The following APC variants were observed in gnomAD, a reference collection of about 807,000 sequenced individuals.
The protein encoded by APC is APC regulator of Wnt signaling pathway.
APC carries 72 observed loss-of-function variants against 247.0 expected under a neutral mutation model. The observed-to-expected ratio is 0.29, with a 90% CI of 0.24 to 0.35. The LOEUF is 0.35. Ranked by LOEUF, APC falls within the 10% of genes least tolerant of loss-of-function variation. The pLI is 1.00. For missense variants in APC, 3,400 were observed against 3,360.7 expected, an observed-to-expected ratio of 1.01 and a Z score of -0.29; for synonymous variants, 1,254 against 1,162.5, an observed-to-expected ratio of 1.08 and a Z score of -1.60.
In APC at chr5:112,839,355, T is replaced by C. The variant is rs1554085289; in HGVS notation, c.3761T>C (p.Ile1254Thr). ...GCTGCCACTTGCAAAGTTTCTTCTA[T>C]TAACCAAGAAACAATACAGACTTAT... is the stretch of plus-strand genomic sequence containing the variant. ...QKAATCKVSS[I>T]NQETIQTYCV... Residue 1254 changes from isoleucine to threonine, a missense_variant, in exon 16 of 16, where the codon ATT becomes ACT. Transcript: ENST00000257430. The surrounding 1 kb of genome is among the most constrained non-coding windows in gnomAD (Gnocchi z 5.0). 1.9e-6 allele frequency: 3 copies of C among 1,613,130 alleles called. No homozygotes were observed. The highest frequency in any genetic ancestry group is 2.5e-6 in the Non-Finnish European group (3 of 1,179,586).
intron 1 of APC, among the ~76,000 whole-genome samples, chr5:112,723,315 A>G (rs1407790941): frequency 6.6e-6 from 1 of 152,134 alleles, no homozygotes; most frequent in Non-Finnish European, 1.5e-5. Flanking sequence ...TAAAAAAATT[A>G]GTTGGGCATG....
In APC at chr5:112,839,691, C is replaced by G. The variant is rs1561589807; in HGVS notation, c.4097C>G (p.Ala1366Gly). The G allele has an allele frequency of 6.2e-7, 1 of 1,614,084 alleles. No homozygotes were observed. ...SGAKSPSKSG[A>G]QTPKSPPEHY... The stretch of plus-strand genomic sequence containing the variant: ...GCGAAATCTCCCTCCAAAAGTGGTG[C>G]TCAGACACCCAAAAGTCCACCTGAA... The change falls in exon 16 of 16, where the codon GCT becomes GGT. Residue 1366 changes from alanine (A) to glycine (G), a missense_variant. Around this residue, in one of 9 missense-constraint regions of APC, gnomAD observed 715 missense variants for 656.6 expected, o/e 1.09. Coordinates refer to ENST00000257430, the MANE Select transcript of APC (RefSeq NM_000038.6). This position sits in a 1 kb window ranked among gnomAD's most constrained non-coding sequence, Gnocchi z 5.0.
chr5:112,799,082 G>A (rs1241960416), intron 7 of APC, among the ~76,000 whole-genome samples: 1 of 148,916 alleles, frequency 6.7e-6, no homozygotes. Context: ...GGTGGTGGGC[G>A]CCTGTAATCC....
intron 7 of APC, among the ~76,000 whole-genome samples, chr5:112,793,141 C>A (rs949305259): frequency 6.6e-6 from 1 of 151,996 alleles, no homozygotes; most frequent in Non-Finnish European, 1.5e-5. Context: ...ATGGACTTTC[C>A]AGAACCTCCC....
chr5:112,732,691 G>A (rs543768357), intron 1 of APC, among the ~76,000 whole-genome samples: 90 of 152,162 alleles, frequency 5.9e-4, no homozygotes, highest in African/African-American at 2.2e-3. Flanking sequence ...TCTTCCCTTG[G>A]GATTTTAATA....
chr5:112,734,798 T>G (rs2464811), upstream of APC, among the ~76,000 whole-genome samples: 9,970 of 151,382 alleles, frequency 0.066, 402 homozygotes, highest in Middle Eastern at 0.14. Flanking sequence ...TGTGTGTTTT[T>G]TTTTTTTTTT....
rs1762440594 is a variant in APC, at chr5:112,815,671, C to A, written c.933+78C>A. On this transcript the variant is annotated intron_variant, in intron 9 of 15. Coordinates refer to ENST00000257430, the MANE Select transcript of APC (RefSeq NM_000038.6). ...ACATTCTTGGCCAGGTGCAGTGGCT[C>A]ACACCTGTAATCCCAGCATTTTGGG... is the stretch of plus-strand genomic sequence containing the variant. 3.5e-6 allele frequency: 4 copies of A among 1,140,008 alleles called. No homozygotes were observed. In the Admixed American group the frequency reaches 5.6e-5, roughly 16 times the overall value. The allele number at this position is 1,140,008 out of a possible 1,614,324, so 70.6% of individuals were successfully genotyped here.
intron 1 of APC, among the ~76,000 whole-genome samples, chr5:112,730,129 G>A (rs1047251419): frequency 6.6e-6 from 1 of 152,248 alleles, no homozygotes; most frequent in East Asian, 1.9e-4. Context: ...AAAAATTTAT[G>A]GGTGGATTCA....
chr5:112,707,594 C>T lies in APC; in HGVS notation c.-124C>T, dbSNP rs964366695. 1.2e-5 allele frequency: 13 copies of T among 1,043,116 alleles called. No individual in the cohort carries two copies. The highest frequency in any genetic ancestry group is 7.3e-5 in the South Asian group (5 of 68,740). 64.6% of individuals were successfully genotyped at this position (1,043,116 alleles called of 1,614,324 possible). A position where few individuals can be genotyped will look rare whatever the true frequency, so the allele number is the denominator to read the frequency against. ...AAGCCTAGCCGCTGCTCGGGGGGGACCTGCGGGCTCAGGCCCGGGAGCTGC... is the reference window on the plus strand; with the variant it reads ...AAGCCTAGCCGCTGCTCGGGGGGGATCTGCGGGCTCAGGCCCGGGAGCTGC... On this transcript the variant is annotated 5_prime_UTR_variant, in exon 1 of 14. Coordinates refer to the APC transcript ENST00000507379.
At chr5:112,726,990 C>T (rs1751821658) in intron 1 of APC, among the ~76,000 whole-genome samples, 1 of 151,988 alleles carries the variant, frequency 6.6e-6, no homozygotes, top group African/African-American at 2.4e-5. Flanking sequence ...TTAGGTGACT[C>T]ATTCTCCTAA....
chr5:112,846,189 A>G lies in APC; in HGVS notation c.*2063A>G, dbSNP rs1766982460. The G allele has an allele frequency of 4.3e-6, 1 of 231,452 alleles. No homozygotes were observed. Among genetic ancestry groups the G allele is most frequent in the East Asian group, 6.1e-5 (1 of 16,302 alleles). The allele number at this position is 231,452 out of a possible 1,614,324, so 14.3% of individuals were successfully genotyped here. On this transcript the variant is annotated 3_prime_UTR_variant, in exon 16 of 16. Transcript: ENST00000257430. ...TTATCTGAAATTGTCTATGAATACCATCTACTTCTGTTGTTTTCCCAGGCT... is the reference window on the plus strand; with the variant it reads ...TTATCTGAAATTGTCTATGAATACCGTCTACTTCTGTTGTTTTCCCAGGCT...
intron 12 of APC, 73 bp downstream of exon 12, chr5:112,827,320 T>C (rs969971176): frequency 1.3e-6 from 2 of 1,555,718 alleles, no homozygotes; most frequent in Admixed American, 3.4e-5. Flanking sequence ...AAATACATTT[T>C]ACTGATTTTC....
At chr5:112,761,279 A>G (rs561997993) in intron 2 of APC, among the ~76,000 whole-genome samples, 20 of 152,358 alleles carry the variant, frequency 1.3e-4, no homozygotes, top group Non-Finnish European at 2.9e-4. Context: ...AAACTGGAAG[A>G]TTACTGATAA....
At chr5:112,729,413 T>C (rs1751977758) in intron 1 of APC, among the ~76,000 whole-genome samples, 3 of 152,200 alleles carry the variant, frequency 2.0e-5, no homozygotes, top group Admixed American at 2.0e-4. Context: ...GGTGTGATCT[T>C]TGAAAATTTG....
intron 1 of APC, among the ~76,000 whole-genome samples, chr5:112,715,729 C>G (rs935594873): frequency 5.9e-5 from 9 of 152,026 alleles, no homozygotes; most frequent in Non-Finnish European, 8.8e-5. Flanking sequence ...GTGTAATGAT[C>G]AAGTCGGGGT....
chr5:112,724,209 A>G (rs958670366), intron 1 of APC, among the ~76,000 whole-genome samples: 2 of 152,186 alleles, frequency 1.3e-5, no homozygotes, highest in African/African-American at 4.8e-5. Context: ...TCAACAAATA[A>G]TTAATTGCTA....
rs373179298 is a variant in APC, at chr5:112,754,654, CT to C, written c.-18-217del. Among the ~76,000 whole-genome samples, 103 of 152,290 alleles carry C rather than the reference CT, an allele frequency of 6.8e-4. 1 individual carries two copies. In the East Asian group the frequency reaches 0.017, roughly 25 times the overall value. ...TATTCAGACACAACTAAAGTTCTCT[CT>C]TCTATTTTAATTTCATTTATCTTGA... is the stretch of plus-strand genomic sequence containing the variant. On this transcript the variant is annotated intron_variant, in intron 1 of 15. Coordinates refer to ENST00000257430, the MANE Select transcript of APC (RefSeq NM_000038.6).
chr5:112,709,579 A>C (rs1750729554), intron 1 of APC, among the ~76,000 whole-genome samples: 1 of 152,178 alleles, frequency 6.6e-6, no homozygotes, highest in Admixed American at 6.5e-5. Context: ...TCTGTATCAA[A>C]AAACATCTGA....
intron 8 of APC, among the ~76,000 whole-genome samples, chr5:112,810,663 A>T (rs557372031): frequency 6.6e-6 from 1 of 152,240 alleles, no homozygotes; most frequent in East Asian, 1.9e-4. Context: ...TGTGATTGCA[A>T]TGTTTCCAGA....
Sources: allele counts gnomAD v4.1 joint callset (sites outside exome capture counted in the v4.1 genomes callset), GRCh38; gene constraint gnomAD v4.1.1; regional missense constraint gnomAD v4.1.1; non-coding constraint Gnocchi (gnomAD v3.1); transcripts MANE v1.5; gene names NCBI Gene and HGNC (gene_info 2026-07-23, HGNC 2026-07-21).